OR9Q1: variants seen among roughly 807,000 people sequenced by gnomAD.
OR9Q1 encodes olfactory receptor family 9 subfamily Q member 1, also known as olfactory receptor 9Q1.
For missense variants in OR9Q1, 374 were observed against 378.8 expected (o/e 0.99, Z 0.11); for synonymous variants, 153 against 148.6 (o/e 1.03, Z -0.22).
At chr11:58,123,873 AT>A (rs1854061837) in intron 2 of OR9Q1, among the ~76,000 whole-genome samples, 1 of 152,184 alleles carries the variant, frequency 6.6e-6, no homozygotes, top group Non-Finnish European at 1.5e-5. Context: ...TTTGTGGTCC[AT>A]GTTTTTTCTT....
intron 2 of OR9Q1, among the ~76,000 whole-genome samples, chr11:58,174,250 G>A (rs1854582200): frequency 6.6e-6 from 1 of 152,194 alleles, no homozygotes; most frequent in South Asian, 2.1e-4. Context: ...TTGTGATTCT[G>A]CCATTTTTAG....
At chr11:58,148,439 A>G (rs1056653488) in intron 2 of OR9Q1, among the ~76,000 whole-genome samples, 1 of 152,120 alleles carries the variant, frequency 6.6e-6, no homozygotes, top group Non-Finnish European at 1.5e-5. Flanking sequence ...CAAGATGGAT[A>G]GAAATACTTA....
chr11:58,156,673 T>C (rs1854411176), intron 2 of OR9Q1, among the ~76,000 whole-genome samples: 1 of 152,244 alleles, frequency 6.6e-6, no homozygotes, highest in African/African-American at 2.4e-5. Flanking sequence ...AACAACATTG[T>C]AATATCTCAC....
intron 2 of OR9Q1, among the ~76,000 whole-genome samples, chr11:58,125,941 G>T (rs1854086484): frequency 6.6e-6 from 1 of 152,118 alleles, no homozygotes; most frequent in Admixed American, 6.6e-5. Flanking sequence ...TCCTGGTAAA[G>T]TTCTCTTTAC....
intron 2 of OR9Q1, among the ~76,000 whole-genome samples, chr11:58,170,838 T>C (rs1021326794): frequency 2.0e-5 from 3 of 152,180 alleles, no homozygotes; most frequent in Non-Finnish European, 4.4e-5. Context: ...TTTTTCTTTA[T>C]AAATTACCCG....
chr11:58,068,351 GA>G (rs569931713), intron 2 of OR9Q1, among the ~76,000 whole-genome samples: 80 of 109,608 alleles, frequency 7.3e-4, no homozygotes, highest in Admixed American at 3.0e-3. Context: ...GTCTCAAAAA[GA>G]AAAAAAAAAA....
chr11:58,054,030 G>A (rs973422411), intron 1 of OR9Q1, among the ~76,000 whole-genome samples: 3 of 152,168 alleles, frequency 2.0e-5, no homozygotes, highest in Non-Finnish European at 4.4e-5. Context: ...GGTGATGGAT[G>A]TGTTAATTAG....
intron 1 of OR9Q1, among the ~76,000 whole-genome samples, chr11:58,030,648 G>C (rs1853022345): frequency 6.6e-6 from 1 of 152,046 alleles, no homozygotes; most frequent in African/African-American, 2.4e-5. Flanking sequence ...TTCCTTTTCA[G>C]GTTCAGCTAT....
intron 1 of OR9Q1, among the ~76,000 whole-genome samples, chr11:58,042,548 G>A (rs1227779263): frequency 8.6e-5 from 13 of 150,812 alleles, no homozygotes; most frequent in Non-Finnish European, 8.9e-5. Context: ...GGTGACTGTA[G>A]CCTTGTAGTA....
At chr11:58,033,705 C>T (rs964171504) in intron 1 of OR9Q1, among the ~76,000 whole-genome samples, 1 of 152,012 alleles carries the variant, frequency 6.6e-6, no homozygotes, top group Non-Finnish European at 1.5e-5. Flanking sequence ...CTTACCATCC[C>T]ACAATATATC....
intron 2 of OR9Q1, among the ~76,000 whole-genome samples, chr11:58,156,498 G>C (rs74553830): frequency 0.048 from 7,353 of 152,170 alleles, 594 homozygotes; most frequent in African/African-American, 0.17. Flanking sequence ...TTCTGTGATT[G>C]TATCTTTTCT....
intron 2 of OR9Q1, among the ~76,000 whole-genome samples, chr11:58,105,605 T>A (rs756333872): frequency 3.9e-5 from 6 of 152,172 alleles, no homozygotes; most frequent in Non-Finnish European, 7.4e-5. Flanking sequence ...GACTTATTCA[T>A]CTTTTTTAAG....
At chr11:58,101,079 A>G (rs1853779158) in intron 2 of OR9Q1, among the ~76,000 whole-genome samples, 1 of 152,106 alleles carries the variant, frequency 6.6e-6, no homozygotes, top group Non-Finnish European at 1.5e-5. Flanking sequence ...AGTTAGATAG[A>G]ATAATTAACT....
chr11:58,101,207 C>A (rs1853780371), intron 2 of OR9Q1, among the ~76,000 whole-genome samples: 1 of 151,842 alleles, frequency 6.6e-6, no homozygotes, highest in African/African-American at 2.4e-5. Context: ...CTTAAGAAAT[C>A]TTTATACTGT....
At chr11:58,178,183 T>C (rs960019789) in intron 2 of OR9Q1, among the ~76,000 whole-genome samples, 1 of 152,030 alleles carries the variant, frequency 6.6e-6, no homozygotes, top group South Asian at 2.1e-4. Flanking sequence ...TGTGGAGGAG[T>C]CAAAATATTA....
chr11:58,069,238 C>A (rs28471968), intron 2 of OR9Q1, among the ~76,000 whole-genome samples: 26,207 of 152,074 alleles, frequency 0.17, 2,391 homozygotes, highest in Non-Finnish European at 0.21. Flanking sequence ...ATTGTCCTTG[C>A]CAGCTTCATA....
chr11:58,086,937 A>T (rs745486227), intron 2 of OR9Q1, among the ~76,000 whole-genome samples: 1 of 151,824 alleles, frequency 6.6e-6, no homozygotes, highest in East Asian at 1.9e-4. Flanking sequence ...TATTGCACAG[A>T]ATGGTGACTA....
intron 2 of OR9Q1, among the ~76,000 whole-genome samples, chr11:58,169,990 C>T (rs1018813874): frequency 6.6e-6 from 1 of 151,994 alleles, no homozygotes; most frequent in South Asian, 2.1e-4. Flanking sequence ...GTTTTTGAAC[C>T]CTCTCAGTGA....
chr11:58,096,286 T>C (rs1005356878), intron 2 of OR9Q1, among the ~76,000 whole-genome samples: 10 of 152,004 alleles, frequency 6.6e-5, no homozygotes, highest in Admixed American at 5.9e-4. Context: ...ATTTAAAAAA[T>C]ATGTATGCAT....
Sources: allele counts gnomAD v4.1 joint callset (sites outside exome capture counted in the v4.1 genomes callset), GRCh38; gene constraint gnomAD v4.1.1; transcripts MANE v1.5; gene names NCBI Gene and HGNC (gene_info 2026-07-23, HGNC 2026-07-21).